Variants in ACTL8 observed in about 807,000 individuals in gnomAD.
ACTL8 encodes the protein actin-like protein 8.
Under a neutral mutation model 9.3 loss-of-function variants are expected in ACTL8, and 3 were observed. The ratio of observed to expected loss-of-function variants is 0.32; its 90% CI spans 0.15 to 0.83. The LOEUF (loss-of-function observed/expected upper bound fraction) is 0.83, where lower values mean the gene tolerates loss of function less well. Among genes scored for constraint, ACTL8 ranks in the 40% least tolerant of loss-of-function variants. ACTL8 has a pLI of 0.57. For synonymous variants in ACTL8, 224 were observed against 205.9 expected, an observed-to-expected ratio of 1.09 and a Z score of -0.75; for missense variants, 381 against 492.2, an observed-to-expected ratio of 0.77 and a Z score of 2.14.
chr1:17,807,676 G>A (rs903916681), intron 1 of ACTL8, among the ~76,000 whole-genome samples: 3 of 152,158 alleles, frequency 2.0e-5, no homozygotes, highest in Non-Finnish European at 4.4e-5. Flanking sequence ...AAAAAAGAAT[G>A]AGTTCATGTC....
chr1:17,776,913 C>A (rs1180960833), intron 1 of ACTL8, among the ~76,000 whole-genome samples: 2 of 151,424 alleles, frequency 1.3e-5, no homozygotes, highest in African/African-American at 4.9e-5. Context: ...AATCCTCCCA[C>A]CTCTGCCTCC....
intron 1 of ACTL8, among the ~76,000 whole-genome samples, chr1:17,785,115 C>G (rs536960135): frequency 6.6e-6 from 1 of 152,304 alleles, no homozygotes; most frequent in Admixed American, 6.5e-5. Context: ...CTGGGTCCCT[C>G]CCACAACATG....
At position 17,756,141 on chromosome 1, in the gene ACTL8, G is replaced by C. The variant is rs532829075; in HGVS notation, c.-25+637G>C. On this transcript the variant is annotated intron_variant, in intron 1 of 2. Transcript: ENST00000375406. ...GGGGATCAATCACAGCCCTGGGTAGGGGGCCCCTTCCTTGGTAGCTCTGGG... is the reference window on the plus strand; with the variant it reads ...GGGGATCAATCACAGCCCTGGGTAGCGGGCCCCTTCCTTGGTAGCTCTGGG... 1.6e-3 allele frequency among the ~76,000 whole-genome samples: 240 copies of C among 152,130 alleles called. 1 individual carries two copies. Among genetic ancestry groups the C allele is most frequent in the African/African-American group, 5.4e-3 (226 of 41,508 alleles).
chr1:17,790,645 A>G (rs986382185), intron 1 of ACTL8, among the ~76,000 whole-genome samples: 1 of 152,198 alleles, frequency 6.6e-6, no homozygotes, highest in African/African-American at 2.4e-5. Flanking sequence ...TGAGACTGGC[A>G]TCTGGCCCCC....
At chr1:17,818,615 G>T (rs928621435) in intron 1 of ACTL8, among the ~76,000 whole-genome samples, 1 of 152,162 alleles carries the variant, frequency 6.6e-6, no homozygotes, top group African/African-American at 2.4e-5. Flanking sequence ...GTTCCTTTGG[G>T]GTGGAATGCT....
chr1:17,826,834 T>C lies in ACTL8; in HGVS notation c.*315T>C, dbSNP rs2053727890. On this transcript the variant is annotated 3_prime_UTR_variant, in exon 3 of 3. Coordinates refer to ENST00000375406, the MANE Select transcript of ACTL8 (RefSeq NM_030812.3). The surrounding 1 kb of genome is among the most constrained non-coding windows in gnomAD (Gnocchi z 4.5). ...AGAGCCACTGATTTTTCATTGGCAT[T>C]TCCCCTGGTTTGTCTCATTCTTCTT... The C allele has an allele frequency of 4.8e-6, 1 of 210,340 alleles. No homozygotes were observed. Among genetic ancestry groups the C allele is most frequent in the Non-Finnish European group, 9.5e-6 (1 of 105,688 alleles). 13.0% of individuals were successfully genotyped at this position (210,340 alleles called of 1,614,324 possible).
chr1:17,786,970 GGGA>G (rs767060614), intron 1 of ACTL8, among the ~76,000 whole-genome samples: 3 of 152,062 alleles, frequency 2.0e-5, no homozygotes, highest in Admixed American at 1.3e-4. Flanking sequence ...CCAAAACCCT[GGGA>G]TGACAGGTGT....
intron 1 of ACTL8, among the ~76,000 whole-genome samples, chr1:17,789,195 T>C (rs1483267747): frequency 6.6e-6 from 1 of 152,176 alleles, no homozygotes; most frequent in African/African-American, 2.4e-5. Context: ...GCATGATGTA[T>C]GGCAGCCCTT....
chr1:17,812,288 T>C (rs1434183710), intron 1 of ACTL8, among the ~76,000 whole-genome samples: 2 of 152,244 alleles, frequency 1.3e-5, no homozygotes, highest in African/African-American at 4.8e-5. Flanking sequence ...TAGAATCAAC[T>C]TGTTGATATC....
intron 1 of ACTL8, among the ~76,000 whole-genome samples, chr1:17,766,498 A>G (rs576300625): frequency 6.6e-6 from 1 of 152,286 alleles, no homozygotes; most frequent in South Asian, 2.1e-4. Context: ...TTCTACCACT[A>G]TCTAAAGTTG....
At chr1:17,761,307 C>A (rs1470599441) in intron 1 of ACTL8, among the ~76,000 whole-genome samples, 1 of 151,820 alleles carries the variant, frequency 6.6e-6, no homozygotes, top group Non-Finnish European at 1.5e-5. Context: ...TGCCAAAGGG[C>A]CTAGCGCAGT....
At chr1:17,778,705 T>G (rs2066133158) in intron 1 of ACTL8, among the ~76,000 whole-genome samples, 1 of 152,178 alleles carries the variant, frequency 6.6e-6, no homozygotes, top group Non-Finnish European at 1.5e-5. Context: ...GGAAGAGGAC[T>G]GACTAGAGAT....
intron 1 of ACTL8, among the ~76,000 whole-genome samples, chr1:17,784,635 A>G (rs534356726): frequency 6.6e-6 from 1 of 152,322 alleles, no homozygotes; most frequent in Admixed American, 6.5e-5. Flanking sequence ...GCATCTTCCT[A>G]TGCTGGGTAC....
At chr1:17,807,592 C>T (rs1334918466) in intron 1 of ACTL8, among the ~76,000 whole-genome samples, 2 of 152,138 alleles carry the variant, frequency 1.3e-5, no homozygotes, top group Non-Finnish European at 2.9e-5. Flanking sequence ...TTGGAACCAA[C>T]CCAAATGGCC....
chr1:17,822,348 A>G (rs117356921), intron 1 of ACTL8, among the ~76,000 whole-genome samples: 1 of 152,330 alleles, frequency 6.6e-6, no homozygotes, highest in South Asian at 2.1e-4. Flanking sequence ...AAGTGAAACC[A>G]TGTGAAATTG....
At chr1:17,796,448 T>C (rs4920383) in intron 1 of ACTL8, among the ~76,000 whole-genome samples, 32,504 of 151,840 alleles carry the variant, frequency 0.21, 4,259 homozygotes, top group Admixed American at 0.38. Flanking sequence ...ATTTAATCTT[T>C]ACCATCCCAA....
intron 1 of ACTL8, among the ~76,000 whole-genome samples, chr1:17,791,621 G>A (rs1173890469): frequency 6.6e-6 from 1 of 152,192 alleles, no homozygotes; most frequent in African/African-American, 2.4e-5. Context: ...CCTCCCTGAG[G>A]GGCCATCAGC....
intron 1 of ACTL8, among the ~76,000 whole-genome samples, chr1:17,784,744 T>C (rs2066183481): frequency 6.6e-6 from 1 of 152,184 alleles, no homozygotes; most frequent in South Asian, 2.1e-4. Flanking sequence ...AGACTGAGGC[T>C]CAAGAGATAG....
chr1:17,766,867 T>TTGAATGAA (rs559173561), intron 1 of ACTL8, among the ~76,000 whole-genome samples: 2 of 152,108 alleles, frequency 1.3e-5, no homozygotes, highest in Admixed American at 6.6e-5. Context: ...TAAGCTATGG[T>TTGAATGAA]TGAATGAATG....
Sources: allele counts gnomAD v4.1 joint callset (sites outside exome capture counted in the v4.1 genomes callset), GRCh38; gene constraint gnomAD v4.1.1; non-coding constraint Gnocchi (gnomAD v3.1); transcripts MANE v1.5; gene names NCBI Gene and HGNC (gene_info 2026-07-23, HGNC 2026-07-21).